PSMD14: variants seen among roughly 807,000 people sequenced by gnomAD.
PSMD14 encodes ubiquitin C-terminal hydrolase PSMD14.
A neutral mutation model predicts 41.2 loss-of-function variants in PSMD14; 7 were observed. The observed-to-expected ratio is 0.17, with a 90% CI of 0.10 to 0.32. PSMD14 has a LOEUF of 0.32. Among genes scored for constraint, PSMD14 ranks in the 10% least tolerant of loss-of-function variants. PSMD14 has a pLI of 1.00. For missense variants in PSMD14, 139 were observed against 375.6 expected, an observed-to-expected ratio of 0.37 and a Z score of 5.21; for synonymous variants, 114 against 122.3, an observed-to-expected ratio of 0.93 and a Z score of 0.45.
At chr2:161,393,771 T>G (rs1683748931) in intron 9 of PSMD14, among the ~76,000 whole-genome samples, 1 of 151,954 alleles carries the variant, frequency 6.6e-6, no homozygotes, top group Non-Finnish European at 1.5e-5. Context: ...TTAATGATGG[T>G]CCTCAATTGA....
chr2:161,384,605 T>G (rs1683611249), intron 7 of PSMD14: 1 of 151,728 alleles, frequency 6.6e-6, no homozygotes, highest in Non-Finnish European at 1.5e-5. Flanking sequence ...ATCTATTGAG[T>G]TAAATTCCCT....
chr2:161,344,580 T>A (rs1683014548), intron 3 of PSMD14, among the ~76,000 whole-genome samples: 1 of 152,190 alleles, frequency 6.6e-6, no homozygotes, highest in Admixed American at 6.5e-5. Flanking sequence ...GATTATCTTT[T>A]AAAGAGAGTT....
At chr2:161,371,455 A>C (rs569035753) in intron 7 of PSMD14, 133 bp downstream of exon 7, 2 of 823,912 alleles carry the variant, frequency 2.4e-6, no homozygotes, top group African/African-American at 3.4e-5. Context: ...TTAAAAAACA[A>C]AAAAACTGTA....
chr2:161,393,160 C>G (rs187844288), intron 9 of PSMD14, among the ~76,000 whole-genome samples: 100 of 152,212 alleles, frequency 6.6e-4, no homozygotes, highest in Middle Eastern at 6.8e-3. Flanking sequence ...GAATCCTTGT[C>G]CAGGTATGAT....
intron 10 of PSMD14, among the ~76,000 whole-genome samples, chr2:161,406,637 A>G (rs554835839): frequency 2.6e-5 from 4 of 152,290 alleles, no homozygotes; most frequent in African/African-American, 9.6e-5. Context: ...TTGATTTGGA[A>G]TATCTTAGAA....
At chr2:161,406,927 C>G (rs1333637378) in intron 10 of PSMD14, among the ~76,000 whole-genome samples, 2 of 151,984 alleles carry the variant, frequency 1.3e-5, no homozygotes, top group African/African-American at 2.4e-5. Flanking sequence ...CCTTTTTGAC[C>G]TTCATCTTTC....
intron 8 of PSMD14, among the ~76,000 whole-genome samples, chr2:161,386,468 T>C (rs1162584735): frequency 6.6e-6 from 1 of 151,818 alleles, no homozygotes; most frequent in African/African-American, 2.4e-5. Flanking sequence ...GATAACTTTA[T>C]ACTTTTAAAT....
chr2:161,341,196 GGTTCCGGGGGCGCGC>G lies in PSMD14; in HGVS notation c.48+22325_48+22339del, dbSNP rs1559042414. On this transcript the variant is annotated intron_variant, in intron 3 of 11. Coordinates refer to ENST00000409682, the MANE Select transcript of PSMD14 (RefSeq NM_005805.6). ...CCCGGTGGCCTCGGCCGGGGGCGCG[GGTTCCGGGGGCGCGC>G]GGGCAGGCTCCGGGCTCGCGGCCGC... 3.1e-6 allele frequency: 3 copies of G among 960,150 alleles called. No individual in the cohort carries two copies. The East Asian group carries it at 3.4e-4, about 110-fold the overall frequency. 59.5% of individuals were successfully genotyped at this position (960,150 alleles called of 1,614,324 possible). A position where few individuals can be genotyped will look rare whatever the true frequency, so the allele number is the denominator to read the frequency against.
chr2:161,382,493 C>G (rs773278814), intron 7 of PSMD14: 1 of 151,788 alleles, frequency 6.6e-6, no homozygotes, highest in Non-Finnish European at 1.5e-5. Context: ...AGAGGTTTCC[C>G]TAAGCTAGCC....
chr2:161,394,555 A>G (rs1401809214), intron 9 of PSMD14, among the ~76,000 whole-genome samples: 2 of 152,200 alleles, frequency 1.3e-5, no homozygotes, highest in African/African-American at 4.8e-5. Context: ...TCATTCATTC[A>G]TCAGATATTT....
intron 3 of PSMD14, among the ~76,000 whole-genome samples, chr2:161,334,546 T>C (rs1682839694): frequency 1.3e-5 from 2 of 152,242 alleles, no homozygotes; most frequent in Non-Finnish European, 2.9e-5. Flanking sequence ...TTAAGACATT[T>C]TTTAAAAAGT....
chr2:161,411,240 T>A, intron 11 of PSMD14, 62 bp from the exon 12 acceptor site: 3 of 1,138,718 alleles, frequency 2.6e-6, no homozygotes. Context: ...GAAAAAAATT[T>A]AAGTAATTTA....
intron 2 of PSMD14, among the ~76,000 whole-genome samples, chr2:161,316,820 A>G (rs971525608): frequency 2.0e-5 from 3 of 152,120 alleles, no homozygotes; most frequent in African/African-American, 7.2e-5. Context: ...TGTGATATCT[A>G]ATTTTGCTAC....
chr2:161,387,640 A>G (rs1683651616), intron 8 of PSMD14, among the ~76,000 whole-genome samples: 1 of 152,026 alleles, frequency 6.6e-6, no homozygotes, highest in South Asian at 2.1e-4. Flanking sequence ...AACAGAATAT[A>G]TCAGTTCTCC....
At chr2:161,359,763 GT>G (rs1478359499) in intron 3 of PSMD14, among the ~76,000 whole-genome samples, 2 of 152,162 alleles carry the variant, frequency 1.3e-5, no homozygotes, top group African/African-American at 4.8e-5. Flanking sequence ...AACAATGGAA[GT>G]GAACTAAGCT....
intron 3 of PSMD14, 109 bp downstream of exon 3, chr2:161,318,982 C>G (rs1312953649): frequency 3.8e-6 from 3 of 787,796 alleles, no homozygotes; most frequent in East Asian, 2.7e-5. Context: ...ACAGATAACT[C>G]TATGGTAAGA....
At chr2:161,352,940 T>C (rs1275165930) in intron 3 of PSMD14, among the ~76,000 whole-genome samples, 1 of 152,176 alleles carries the variant, frequency 6.6e-6, no homozygotes, top group African/African-American at 2.4e-5. Context: ...CTTCAGCTCC[T>C]TTGATCAGTG....
chr2:161,332,278 A>G (rs1170665157), intron 3 of PSMD14, among the ~76,000 whole-genome samples: 1 of 152,248 alleles, frequency 6.6e-6, no homozygotes, highest in Non-Finnish European at 1.5e-5. Context: ...CAAATAGTAC[A>G]ACTTTTAAAA....
chr2:161,318,920 C>T (rs539126264), intron 3 of PSMD14, 47 bp downstream of exon 3: 7 of 1,483,254 alleles, frequency 4.7e-6, no homozygotes, highest in Non-Finnish European at 4.6e-6. Context: ...AAACTACAAG[C>T]CTTTTTGTAG....
Sources: gnomAD v4.1 joint callset for allele counts (sites outside exome capture counted in the v4.1 genomes callset) on GRCh38, gnomAD v4.1.1 for gene constraint, MANE v1.5 for transcripts, NCBI Gene and HGNC (gene_info 2026-07-23, HGNC 2026-07-21) for gene names.